The following RANBP2 variants were observed in gnomAD, a reference collection of about 807,000 sequenced individuals.
RANBP2 encodes E3 SUMO-protein ligase RanBP2.
A neutral mutation model predicts 303.6 loss-of-function variants in RANBP2; 57 were observed. The observed-to-expected ratio is 0.19, with a 90% CI of 0.15 to 0.23. The LOEUF is 0.23. Among genes scored for constraint, RANBP2 ranks in the 10% least tolerant of loss-of-function variants. RANBP2 has a pLI of 1.00. For synonymous variants in RANBP2, 1,167 were observed against 1,301.5 expected (o/e 0.90, Z 2.23); for missense variants, 3,138 against 3,780.8 (o/e 0.83, Z 4.46).
the RANBP2 span, among the ~76,000 whole-genome samples, chr2:109,610,464 C>T: frequency 2.0e-5 from 3 of 152,158 alleles, no homozygotes; most frequent in Non-Finnish European, 2.9e-5. Context: ...CCTGTAATCC[C>T]AACACTTCGG....
the RANBP2 span, chr2:108,794,661 A>G: frequency 6.2e-6 from 10 of 1,614,146 alleles, no homozygotes; most frequent in Admixed American, 1.7e-4. Flanking sequence ...AGCGGAGTTT[A>G]CTTCCACATC....
At chr2:109,486,347 T>G in the RANBP2 span, among the ~76,000 whole-genome samples, 3 of 152,324 alleles carry the variant, frequency 2.0e-5, no homozygotes, top group East Asian at 5.8e-4. Context: ...TATACAGAGT[T>G]GGAGAGCTGA....
At chr2:109,432,625 G>A in the RANBP2 span, 19 of 1,612,588 alleles carry the variant, frequency 1.2e-5, no homozygotes, top group South Asian at 7.7e-5. Context: ...TCTGAGGACC[G>A]GGGTCTCTGG....
At chr2:109,731,269 G>A in the RANBP2 span, among the ~76,000 whole-genome samples, 2 of 152,310 alleles carry the variant, frequency 1.3e-5, no homozygotes, top group East Asian at 3.9e-4. Flanking sequence ...AAACTTTTGT[G>A]TATCGGGAGT....
the RANBP2 span, among the ~76,000 whole-genome samples, chr2:109,477,794 G>A: frequency 6.6e-6 from 1 of 152,116 alleles, no homozygotes; most frequent in East Asian, 1.9e-4. Context: ...TGGTCAATAG[G>A]GCAAGGGAGC....
At chr2:108,985,143 G>A in the RANBP2 span, among the ~76,000 whole-genome samples, 1 of 152,130 alleles carries the variant, frequency 6.6e-6, no homozygotes, top group African/African-American at 2.4e-5. Context: ...GACTAATACT[G>A]TATCTTATTT....
the RANBP2 span, among the ~76,000 whole-genome samples, chr2:109,477,179 G>A: frequency 6.6e-6 from 1 of 152,168 alleles, no homozygotes; most frequent in Non-Finnish European, 1.5e-5. Context: ...GTTGGCCTAG[G>A]AGAACTGGAA....
the RANBP2 span, among the ~76,000 whole-genome samples, chr2:109,224,862 A>C: frequency 6.6e-6 from 1 of 152,142 alleles, no homozygotes; most frequent in African/African-American, 2.4e-5. Context: ...GTCTCAAAAA[A>C]ATTTTTTTTC....
At chr2:109,457,738 A>G in the RANBP2 span, among the ~76,000 whole-genome samples, 1 of 152,228 alleles carries the variant, frequency 6.6e-6, no homozygotes. Flanking sequence ...AGTGCTTTCA[A>G]AGACATGGGA....
chr2:108,964,315 C>T, the RANBP2 span, among the ~76,000 whole-genome samples: 4 of 152,122 alleles, frequency 2.6e-5, 1 homozygote, highest in Non-Finnish European at 4.4e-5. Context: ...GAAGCCCCTG[C>T]CAGGTCATCT....
chr2:109,441,389 A>G, the RANBP2 span, among the ~76,000 whole-genome samples: 1 of 152,344 alleles, frequency 6.6e-6, no homozygotes, highest in East Asian at 1.9e-4. Context: ...AATAAAAACT[A>G]CAGTGTGTGA....
At chr2:109,737,560 G>A in the RANBP2 span, 2,632 of 451,230 alleles carry the variant, frequency 5.8e-3, 16 homozygotes, top group Admixed American at 9.3e-3. Context: ...TCTCTTTAAC[G>A]TACTGATTTT....
At chr2:109,500,891 G>A in the RANBP2 span, among the ~76,000 whole-genome samples, 51,552 of 152,040 alleles carry the variant, frequency 0.34, 9,263 homozygotes, top group Admixed American at 0.5. Context: ...TCAAGGCTTC[G>A]GTGAGCTAGG....
intron 4 of RANBP2, among the ~76,000 whole-genome samples, chr2:108,732,969 A>G (rs1193359638): frequency 6.6e-6 from 1 of 152,118 alleles, no homozygotes; most frequent in African/African-American, 2.4e-5. Context: ...GACTACAGGC[A>G]CGTGTTACCA....
chr2:109,510,995 C>T, the RANBP2 span, among the ~76,000 whole-genome samples: 1 of 152,194 alleles, frequency 6.6e-6, no homozygotes, highest in South Asian at 2.1e-4. Context: ...CACTCTACAT[C>T]CATTGCCTCG....
chr2:109,298,595 C>T, the RANBP2 span, among the ~76,000 whole-genome samples: 1 of 152,080 alleles, frequency 6.6e-6, no homozygotes, highest in Non-Finnish European at 1.5e-5. Flanking sequence ...CCGGGGTCCT[C>T]AGGGAGTGCC....
chr2:108,907,489 A>AC, the RANBP2 span, among the ~76,000 whole-genome samples: 12 of 151,834 alleles, frequency 7.9e-5, 1 homozygote, highest in South Asian at 1.9e-3. Context: ...CTACTAAAAT[A>AC]TAAAAAAAAT....
At chr2:109,144,732 A>G in the RANBP2 span, among the ~76,000 whole-genome samples, 1 of 152,212 alleles carries the variant, frequency 6.6e-6, no homozygotes, top group Non-Finnish European at 1.5e-5. Flanking sequence ...CCAGCTGGTG[A>G]TGCATGCCTG....
At chr2:109,709,807 G>A in the RANBP2 span, among the ~76,000 whole-genome samples, 15 of 152,294 alleles carry the variant, frequency 9.8e-5, no homozygotes, top group African/African-American at 2.2e-4. Flanking sequence ...TGATTTACTC[G>A]CTGGGCACGG....
Sources: allele counts gnomAD v4.1 joint callset (sites outside exome capture counted in the v4.1 genomes callset), GRCh38; gene constraint gnomAD v4.1.1; transcripts MANE v1.5; gene names NCBI Gene and HGNC (gene_info 2026-07-23, HGNC 2026-07-21).